NBEA: variants seen among roughly 807,000 people sequenced by gnomAD.
NBEA encodes the protein neurobeachin, also known as lysosomal-trafficking regulator 2.
In NBEA, 44 loss-of-function variants were observed where a neutral mutation model predicts 343.4. That is an observed-to-expected ratio of 0.13 (90% CI 0.10 to 0.16). The LOEUF is 0.16. Ranked by LOEUF, NBEA falls within the 10% of genes least tolerant of loss-of-function variation. The pLI, the probability that NBEA is intolerant of heterozygous loss-of-function variation, is 1.00. For missense variants in NBEA, 2,555 were observed against 3,631.3 expected (o/e 0.70, Z 7.62); for synonymous variants, 1,175 against 1,238.7 (o/e 0.95, Z 1.08).
At chr13:35,246,786 A>C (rs553340590) in intron 34 of NBEA, among the ~76,000 whole-genome samples, 1 of 152,298 alleles carries the variant, frequency 6.6e-6, no homozygotes, top group African/African-American at 2.4e-5. Flanking sequence ...TCAAGAGAGC[A>C]TCAGCTGTGA....
Position 35,159,425 on chromosome 13 carries a change from A to G in NBEA, c.3254A>G (p.Glu1085Gly). ...TCACCGGAGACTTTAGTAGGTGGAG[A>G]GAATGGTGCCCTTGTGGAGGTTGAA... ...DLSPETLVGG[E>G]NGALVEVESL... is the part of the protein sequence containing the mutation. Residue 1085 changes from glutamate (E) to glycine (G), a missense_variant, in exon 22 of 59, where the codon GAG becomes GGG. By Grantham distance (98) the Glu-to-Gly change is moderately conservative (BLOSUM62 -2). This residue lies in a region of NBEA where 367 missense variants were observed against 377.5 expected (regional missense o/e 0.97). Coordinates refer to ENST00000379939, the MANE Select transcript of NBEA (RefSeq NM_001385012.1). The G allele has an allele frequency of 6.2e-7, 1 of 1,613,458 alleles. No homozygotes were observed. Among genetic ancestry groups the G allele is most frequent in the Non-Finnish European group, 8.5e-7 (1 of 1,179,692 alleles).
intron 41 of NBEA, among the ~76,000 whole-genome samples, chr13:35,523,976 A>C (rs1219879595): frequency 1.3e-5 from 2 of 152,168 alleles, no homozygotes; most frequent in Non-Finnish European, 2.9e-5. Context: ...AAAAACTTAC[A>C]TTGGCTTTCT....
intron 46 of NBEA, among the ~76,000 whole-genome samples, chr13:35,589,813 A>C (rs1351827763): frequency 6.6e-6 from 1 of 152,130 alleles, no homozygotes; most frequent in Non-Finnish European, 1.5e-5. Context: ...CAGTGCAGGC[A>C]AGGTGAGTTT....
chr13:35,629,724 A>G (rs1305465406), intron 49 of NBEA, among the ~76,000 whole-genome samples: 3 of 152,328 alleles, frequency 2.0e-5, no homozygotes, highest in Middle Eastern at 3.4e-3. Flanking sequence ...ATAAATTGTA[A>G]TCAGATTATT....
intron 41 of NBEA, among the ~76,000 whole-genome samples, chr13:35,517,218 G>A (rs573209310): frequency 3.9e-5 from 6 of 152,112 alleles, no homozygotes; most frequent in East Asian, 1.9e-4. Context: ...CCACTCTTCC[G>A]TCGGCCTCGC....
At chr13:35,084,799 T>G (rs1487924108) in intron 10 of NBEA, among the ~76,000 whole-genome samples, 5 of 151,952 alleles carry the variant, frequency 3.3e-5, no homozygotes, top group African/African-American at 1.2e-4. Flanking sequence ...CAGGAGCTGG[T>G]TTTTTGAAAA....
intron 1 of NBEA, among the ~76,000 whole-genome samples, chr13:34,966,805 C>T (rs1303100162): frequency 1.3e-5 from 2 of 151,842 alleles, no homozygotes; most frequent in Admixed American, 6.6e-5. Flanking sequence ...TACTATACTG[C>T]ATGTTCATTT....
intron 41 of NBEA, among the ~76,000 whole-genome samples, chr13:35,546,646 G>A (rs909917123): frequency 1.3e-5 from 2 of 151,284 alleles, no homozygotes; most frequent in South Asian, 2.1e-4. Context: ...TCTGCCTCCC[G>A]GATTCAAGCA....
intron 28 of NBEA, among the ~76,000 whole-genome samples, chr13:35,181,625 T>C (rs1303007879): frequency 6.6e-6 from 1 of 151,952 alleles, no homozygotes; most frequent in African/African-American, 2.4e-5. Flanking sequence ...TTTATTCTGC[T>C]AACTGATCTT....
Position 35,141,297 on chromosome 13 carries a change from C to G in NBEA, c.2337-972C>G, listed in dbSNP as rs112763688. Among the ~76,000 whole-genome samples, 981 of 152,146 alleles carry G rather than the reference C, an allele frequency of 6.4e-3. 11 individuals carry two copies. Among genetic ancestry groups the G allele is most frequent in the African/African-American group, 0.023 (940 of 41,498 alleles). ...TTTTGTTTTTTTCTTGAGATGGAGT[C>G]TCACTCTTGCCCAGGCTGGAGTGCA... On this transcript the variant is annotated intron_variant, in intron 17 of 58. Coordinates refer to ENST00000379939, the MANE Select transcript of NBEA (RefSeq NM_001385012.1).
Position 35,606,481 on chromosome 13 carries a change from A to G in NBEA, c.7352A>G (p.Tyr2451Cys), listed in dbSNP as rs1188776702. ...GAGATGTTTGTCAACAGTAATGGAT[A>G]TAATCTTGGAGTCAGAGAAGATGAA... is the stretch of plus-strand genomic sequence containing the variant. The part of the protein sequence containing the change: ...LPEMFVNSNG[Y>C]NLGVREDEVV... Residue 2451 changes from tyrosine (Y) to cysteine (C), a missense_variant, in exon 48 of 59, where the codon TAT (tyrosine) becomes TGT (cysteine). Around this residue, in one of 21 missense-constraint regions of NBEA, gnomAD observed 156 missense variants for 185.8 expected, o/e 0.84. Coordinates refer to ENST00000379939, the MANE Select transcript of NBEA (RefSeq NM_001385012.1). The G allele has an allele frequency of 4.4e-6, 7 of 1,599,064 alleles. No homozygotes were observed. The highest frequency in any genetic ancestry group is 6.0e-6 in the Non-Finnish European group (7 of 1,171,104).
At chr13:35,369,783 T>A (rs1163502165) in intron 38 of NBEA, among the ~76,000 whole-genome samples, 1 of 152,018 alleles carries the variant, frequency 6.6e-6, no homozygotes, top group Non-Finnish European at 1.5e-5. Context: ...TAAGATTATG[T>A]CATCTGTAAA....
chr13:35,137,987 A>T (rs1207603573), intron 17 of NBEA, among the ~76,000 whole-genome samples: 1 of 152,132 alleles, frequency 6.6e-6, no homozygotes, highest in Non-Finnish European at 1.5e-5. Context: ...AAATGAGTTG[A>T]CAAAGGAATA....
chr13:35,170,374 A>AT (rs929417633), intron 25 of NBEA, among the ~76,000 whole-genome samples: 18 of 151,196 alleles, frequency 1.2e-4, no homozygotes, highest in African/African-American at 3.2e-4. Context: ...AATTTAAATA[A>AT]TTTTTTTTTA....
At chr13:35,487,979 G>A (rs192368751) in intron 41 of NBEA, among the ~76,000 whole-genome samples, 54 of 151,782 alleles carry the variant, frequency 3.6e-4, no homozygotes, top group Middle Eastern at 6.8e-3. Context: ...AGCTTTTTGG[G>A]CATATCCATA....
At chr13:35,073,750 G>A (rs527617739) in intron 10 of NBEA, among the ~76,000 whole-genome samples, 46 of 152,008 alleles carry the variant, frequency 3.0e-4, no homozygotes, top group Non-Finnish European at 4.9e-4. Flanking sequence ...AGACAGCCTG[G>A]ACAACATGAC....
At position 35,539,888 on chromosome 13, in the gene NBEA, C is replaced by G. The variant is rs1186541041; in HGVS notation, c.6586-10589C>G. Among the ~76,000 whole-genome samples the G allele has an allele frequency of 1.5e-3, 175 of 120,264 alleles. 1 individual carries two copies. The Middle Eastern group carries it at 0.017, about 12-fold the overall frequency. 78.9% of individuals were successfully genotyped at this position (120,264 alleles called of 152,430 possible). A position where few individuals can be genotyped will look rare whatever the true frequency, so the allele number is the denominator to read the frequency against. On this transcript the variant is annotated intron_variant, in intron 41 of 58. Transcript: ENST00000379939. ...CCGAGATCCTGCCACTGCACTCCAG[C>G]CTGGGCGACAGAGCAAGACTCCGTC...
At chr13:35,113,586 C>CATCT (rs71078081) in intron 13 of NBEA, among the ~76,000 whole-genome samples, 70,908 of 146,546 alleles carry the variant, frequency 0.48, 17,226 homozygotes, top group East Asian at 0.57. Flanking sequence ...CTCCTCCACT[C>CATCT]ATCTATCTAT....
At chr13:35,083,888 C>A (rs545979639) in intron 10 of NBEA, among the ~76,000 whole-genome samples, 1 of 151,908 alleles carries the variant, frequency 6.6e-6, no homozygotes, top group African/African-American at 2.4e-5. Context: ...GAAGATCTAC[C>A]AAGCAAACAG....
Sources: gnomAD v4.1 joint callset for allele counts (sites outside exome capture counted in the v4.1 genomes callset) on GRCh38, gnomAD v4.1.1 for gene constraint, gnomAD v4.1.1 regional missense constraint, MANE v1.5 for transcripts, NCBI Gene and HGNC (gene_info 2026-07-23, HGNC 2026-07-21) for gene names.